Variants in IGSF10 observed in about 807,000 individuals in gnomAD.
The protein encoded by IGSF10 is calvaria mechanical force protein 608.
Under a neutral mutation model 128.2 loss-of-function variants are expected in IGSF10, and 126 were observed. That is an observed-to-expected ratio of 0.98 (90% CI 0.85 to 1.14). The LOEUF (loss-of-function observed/expected upper bound fraction) is 1.14. Ranked by LOEUF, IGSF10 falls within the 50% of genes most tolerant of loss-of-function variation. The pLI, the probability that IGSF10 is intolerant of heterozygous loss-of-function variation, is 0.00. For synonymous variants in IGSF10, 1,185 were observed against 1,146.2 expected, an observed-to-expected ratio of 1.03 and a Z score of -0.68; for missense variants, 3,295 against 3,149.8, an observed-to-expected ratio of 1.05 and a Z score of -1.10.
At chr3:151,510,926 A>C in the IGSF10 span, among the ~76,000 whole-genome samples, 2 of 152,306 alleles carry the variant, frequency 1.3e-5, no homozygotes, top group African/African-American at 4.8e-5. Context: ...AAAGAATAAA[A>C]AGAAATGAAC....
the IGSF10 span, among the ~76,000 whole-genome samples, chr3:151,472,291 T>G: frequency 2.6e-5 from 4 of 152,220 alleles, no homozygotes; most frequent in African/African-American, 9.6e-5. Flanking sequence ...TGCAATAGTT[T>G]GCATGTTTTC....
the IGSF10 span, among the ~76,000 whole-genome samples, chr3:151,515,621 T>C: frequency 1.3e-5 from 2 of 150,760 alleles, no homozygotes; most frequent in Non-Finnish European, 1.5e-5. Flanking sequence ...AAGTATAATA[T>C]AAAAAATAAA....
chr3:151,462,304 G>C (rs780014967), upstream of IGSF10, among the ~76,000 whole-genome samples: 2 of 152,124 alleles, frequency 1.3e-5, no homozygotes, highest in East Asian at 3.9e-4. Context: ...ACTTCGTTAA[G>C]ATCAAAAATT....
At position 151,446,490 on chromosome 3, in the gene IGSF10, C is replaced by T. The variant is rs748208800; in HGVS notation, c.3491G>A (p.Arg1164His). 4.3e-6 allele frequency: 7 copies of T among 1,613,980 alleles called. No homozygotes were observed. The highest frequency in any genetic ancestry group is 2.7e-5 in the African/African-American group (2 of 74,902). Residue 1164 changes from arginine to histidine, a missense_variant, in exon 6 of 8, where the codon CGT becomes CAT. Arg to His is a conservative substitution (Grantham distance 29). Coordinates refer to ENST00000282466, the MANE Select transcript of IGSF10 (RefSeq NM_178822.5). ...KTHKVNASYP[R>H]VSSTNEAKRD... The stretch of plus-strand genomic sequence containing the variant: ...TTTAGCTTCATTGGTGCTAGACACA[C>T]GTGGGTAACTGGCGTTTACTTTGTG...
chr3:151,567,414 G>T, the IGSF10 span, among the ~76,000 whole-genome samples: 31 of 152,306 alleles, frequency 2.0e-4, no homozygotes, highest in African/African-American at 7.2e-4. Context: ...ACTCGTGCTA[G>T]GGTGTATAGT....
At chr3:151,520,991 C>A in the IGSF10 span, among the ~76,000 whole-genome samples, 3 of 151,590 alleles carry the variant, frequency 2.0e-5, no homozygotes, top group Non-Finnish European at 2.9e-5. Context: ...ACCCATCTCA[C>A]ACATAATGAC....
At chr3:151,462,951 T>C (rs990769987), upstream of IGSF10, among the ~76,000 whole-genome samples, 4 of 152,226 alleles carry the variant, frequency 2.6e-5, no homozygotes, top group Non-Finnish European at 4.4e-5. Flanking sequence ...CCAAAGCTCC[T>C]TGGTGACCAA....
chr3:151,551,848 C>G, the IGSF10 span, among the ~76,000 whole-genome samples: 2 of 152,014 alleles, frequency 1.3e-5, no homozygotes, highest in African/African-American at 4.8e-5. Context: ...AGCCTATATT[C>G]AAACATTATA....
the IGSF10 span, among the ~76,000 whole-genome samples, chr3:151,543,463 CTT>C: frequency 6.6e-6 from 1 of 152,122 alleles, no homozygotes. Flanking sequence ...CAGCTTAACT[CTT>C]TCTCTCTCTG....
chr3:151,504,100 T>C, the IGSF10 span, among the ~76,000 whole-genome samples: 1 of 152,196 alleles, frequency 6.6e-6, no homozygotes, highest in African/African-American at 2.4e-5. Context: ...GTTAATCTTA[T>C]AGAGGTGGTC....
At chr3:151,567,955 T>C in the IGSF10 span, among the ~76,000 whole-genome samples, 1 of 152,156 alleles carries the variant, frequency 6.6e-6, no homozygotes, top group African/African-American at 2.4e-5. Context: ...TGACAGTCAT[T>C]GTCAGGCTCA....
At chr3:151,546,931 C>T in the IGSF10 span, among the ~76,000 whole-genome samples, 460 of 152,112 alleles carry the variant, frequency 3.0e-3, 2 homozygotes, top group Middle Eastern at 0.017. Context: ...CCACCACGCC[C>T]GGCTAATTTT....
the IGSF10 span, among the ~76,000 whole-genome samples, chr3:151,613,288 A>G: frequency 6.6e-6 from 1 of 152,156 alleles, no homozygotes; most frequent in Non-Finnish European, 1.5e-5. Flanking sequence ...CCATCAAGCT[A>G]CCAATGACTT....
intron 2 of IGSF10, 87 bp downstream of exon 2, chr3:151,460,174 A>G (rs1460555844): frequency 4.0e-6 from 1 of 251,378 alleles, no homozygotes; most frequent in Non-Finnish European, 6.3e-6. Context: ...TTAAAAGAGG[A>G]TCAATAGCAT....
At position 151,436,409 on chromosome 3, in the gene IGSF10, A is replaced by ATTTG. The variant is rs368968586; in HGVS notation, c.*276_*279dup. On this transcript the variant is annotated 3_prime_UTR_variant, in exon 8 of 8. Transcript: ENST00000282466. ...ACTGAAAAATTCAGGTACATTAGCCATTTGTTATTTTATAGTGAACCGTTT... is the reference window on the plus strand; with the variant it reads ...ACTGAAAAATTCAGGTACATTAGCCATTTGTTTGTTATTTTATAGTGAACCGTTT... The ATTTG allele has an allele frequency of 1.1e-3, 290 of 262,444 alleles. 1 individual carries two copies. Among genetic ancestry groups the ATTTG allele is most frequent in the African/African-American group, 6.3e-3 (279 of 44,332 alleles). The allele number at this position is 262,444 out of a possible 1,614,324, so 16.3% of individuals were successfully genotyped here.
At chr3:151,509,870 C>A in the IGSF10 span, among the ~76,000 whole-genome samples, 53 of 152,168 alleles carry the variant, frequency 3.5e-4, no homozygotes, top group African/African-American at 1.1e-3. Flanking sequence ...ACAGAGCCTC[C>A]CTCATTGCTA....
chr3:151,584,241 T>G, the IGSF10 span, among the ~76,000 whole-genome samples: 4 of 152,204 alleles, frequency 2.6e-5, no homozygotes, highest in African/African-American at 9.6e-5. Context: ...TTATAGTAGA[T>G]CTTATCTGAC....
the IGSF10 span, among the ~76,000 whole-genome samples, chr3:151,614,095 T>G: frequency 6.0e-4 from 91 of 152,216 alleles, 1 homozygote; most frequent in South Asian, 2.3e-3. Flanking sequence ...GGCCATCAGA[T>G]AAATGCAAAT....
intron 7 of IGSF10, among the ~76,000 whole-genome samples, chr3:151,439,352 C>T (rs1720694410): frequency 1.3e-5 from 2 of 152,250 alleles, no homozygotes. Context: ...GTGGCTCACA[C>T]CTGTAATCCC....
Sources: allele counts gnomAD v4.1 joint callset (sites outside exome capture counted in the v4.1 genomes callset), GRCh38; gene constraint gnomAD v4.1.1; transcripts MANE v1.5; gene names NCBI Gene and HGNC (gene_info 2026-07-23, HGNC 2026-07-21).